UPF3B: variants seen among roughly 807,000 people sequenced by gnomAD.
The protein encoded by UPF3B is regulator of nonsense transcripts 3B.
A neutral mutation model predicts 40.3 loss-of-function variants in UPF3B; 7 were observed. The ratio of observed to expected loss-of-function variants is 0.17; its 90% CI spans 0.10 to 0.33. The LOEUF is 0.33. Among genes scored for constraint, UPF3B ranks in the 10% least tolerant of loss-of-function variants. UPF3B has a pLI of 1.00. For missense variants in UPF3B, 229 were observed against 358.9 expected, an observed-to-expected ratio of 0.64 and a Z score of 2.93; for synonymous variants, 117 against 117.3, an observed-to-expected ratio of 1.00 and a Z score of 0.01.
chrX:119,834,157 A>C lies in UPF3B; in HGVS notation c.*721T>G. ...GTATGCACTCAGATCATGAGACCTA[A>C]GATCAAACACACTGGATTGTCAAGA... On this transcript the variant is annotated 3_prime_UTR_variant, in exon 11 of 11. Coordinates refer to ENST00000276201, the MANE Select transcript of UPF3B (RefSeq NM_080632.3). 1 of 755,300 alleles carries C rather than the reference A, an allele frequency of 1.3e-6. No individual in the cohort carries two copies. The highest frequency in any genetic ancestry group is 1.6e-6 in the Non-Finnish European group (1 of 639,759). 62.2% of individuals were successfully genotyped at this position (755,300 alleles called of 1,213,427 possible). A position where few individuals can be genotyped will look rare whatever the true frequency, so the allele number is the denominator to read the frequency against.
At chrX:119,821,064 G>C (rs1365601918) in intron 4 of UPF3B, among the ~76,000 whole-genome samples, 1 of 111,363 alleles carries the variant, frequency 9.0e-6, no homozygotes, top group Non-Finnish European at 1.9e-5. Context: ...GGGTATTGGG[G>C]TTATGGGGCG....
exon 5 of UPF3B, chrX:119,815,252 G>A: frequency 3.8e-6 from 3 of 797,822 alleles, no homozygotes; most frequent in Non-Finnish European, 4.5e-6. Context: ...ATCAGGGTGC[G>A]AGAGTCGACC....
At chrX:119,826,180 C>T (rs1021593894) in intron 3 of UPF3B, among the ~76,000 whole-genome samples, 3 of 104,656 alleles carry the variant, frequency 2.9e-5, no homozygotes, top group Admixed American at 1.0e-4. Context: ...AAAGGACCAA[C>T]GATTAACAGC....
At chrX:119,824,472 G>T (rs1482258593) in intron 3 of UPF3B, among the ~76,000 whole-genome samples, 1 of 106,623 alleles carries the variant, frequency 9.4e-6, no homozygotes, top group Non-Finnish European at 1.9e-5. Context: ...GAAGAGGGAG[G>T]TGCTGACGTG....
At chrX:119,817,691 G>A (rs1363241973) in intron 4 of UPF3B, among the ~76,000 whole-genome samples, 2 of 111,897 alleles carry the variant, frequency 1.8e-5, no homozygotes, top group African/African-American at 3.2e-5. Context: ...AAAATATCTC[G>A]ACAGGATCTA....
intron 10 of UPF3B, 140 bp downstream of exon 10, chrX:119,837,617 A>C (rs1353389320): frequency 4.9e-6 from 1 of 203,441 alleles, no homozygotes; most frequent in Non-Finnish European, 7.4e-6. Flanking sequence ...CTCTGTCTCA[A>C]AAAAAAAAAA....
intron 7 of UPF3B, 123 bp downstream of exon 7, chrX:119,840,953 C>A: frequency 1.3e-6 from 1 of 776,789 alleles, no homozygotes; most frequent in Admixed American, 3.0e-5. Context: ...GATCACTTCC[C>A]CCCAAAAGAG....
At chrX:119,827,299 C>T (rs1451320935) in intron 3 of UPF3B, among the ~76,000 whole-genome samples, 2 of 111,174 alleles carry the variant, frequency 1.8e-5, no homozygotes, top group African/African-American at 6.5e-5. Context: ...GATGAAATGG[C>T]TAGTATCTAG....
In UPF3B at chrX:119,851,764, T is replaced by TTTTTTTTTAA; in HGVS notation, c.263+2_263+3insTTAAAAAAAA. On this transcript the variant is annotated splice_region_variant and intron_variant, in intron 2 of 10. Transcript: ENST00000276201. ...ACCCCTTTCCTTTTTTTTTTTTTTT[T>TTTTTTTTTAA]ACCTCGTATCATTAGAAAAAAACTC... 1 of 968,489 alleles carries TTTTTTTTTAA rather than the reference T, an allele frequency of 1.0e-6. No individual in the cohort carries two copies. Among genetic ancestry groups the TTTTTTTTTAA allele is most frequent in the Non-Finnish European group, 1.4e-6 (1 of 710,208 alleles). 79.8% of individuals were successfully genotyped at this position (968,489 alleles called of 1,213,427 possible).
rs374559561 is a variant in UPF3B, at chrX:119,807,548, C to T, written c.637G>A (p.Ala213Thr). Residue 213 changes from alanine to threonine, a missense_variant, in exon 6 of 7, where the codon GCT (alanine) becomes ACT (threonine). Transcript: ENST00000636792. ...CACCAGAATCGACCTGGGCTTCGAG[C>T]TCCTGGATGGTAAAGCTTCATCCCT... 44 of 842,229 alleles carry T rather than the reference C, an allele frequency of 5.2e-5. No individual in the cohort carries two copies. In the East Asian group the frequency reaches 3.1e-3, roughly 60 times the overall value. 69.4% of individuals were successfully genotyped at this position (842,229 alleles called of 1,213,427 possible).
At position 119,847,387 on chromosome X, in the gene UPF3B, CA is replaced by C. The variant is rs1247725739; in HGVS notation, c.371-2092del. Among the ~76,000 whole-genome samples the C allele has an allele frequency of 2.7e-5, 3 of 110,185 alleles. No homozygotes were observed. In the South Asian group the frequency reaches 1.2e-3, roughly 42 times the overall value. ...GCTTGAACCCAGGAGGTGGAGGTTGCAATGAGGGAAGATCGCGCCATTGTAC... is the reference window on the plus strand; with the variant it reads ...GCTTGAACCCAGGAGGTGGAGGTTGCATGAGGGAAGATCGCGCCATTGTAC... On this transcript the variant is annotated intron_variant, in intron 3 of 10. Coordinates refer to ENST00000276201, the MANE Select transcript of UPF3B (RefSeq NM_080632.3).
intron 8 of UPF3B, among the ~76,000 whole-genome samples, 177 bp from the exon 9 acceptor site, chrX:119,838,704 CTATTAATGT>C (rs908796758): frequency 1.8e-5 from 2 of 111,678 alleles, no homozygotes; most frequent in African/African-American, 6.5e-5. Context: ...TAAAAGGATG[CTATTAATGT>C]TAAAGTGTTA....
intron 3 of UPF3B, among the ~76,000 whole-genome samples, chrX:119,848,264 A>G (rs1337925053): frequency 2.1e-5 from 2 of 96,899 alleles, no homozygotes; most frequent in Non-Finnish European, 4.1e-5. Context: ...CCTGGGCAAC[A>G]AAGTGAGACT....
intron 5 of UPF3B, 56 bp from the exon 6 acceptor site, chrX:119,841,834 C>T: frequency 8.8e-6 from 9 of 1,021,503 alleles, no homozygotes; most frequent in Admixed American, 2.2e-5. Context: ...GAAACGATTC[C>T]ATTTTCTGAC....
intron 5 of UPF3B, chrX:119,807,689 T>A: frequency 2.6e-6 from 1 of 380,894 alleles, no homozygotes; most frequent in Non-Finnish European, 3.4e-6. Flanking sequence ...CTCAGTAATT[T>A]AAGACCAAAA....
downstream of UPF3B, among the ~76,000 whole-genome samples, chrX:119,832,058 C>CCT (rs2056042457): frequency 8.9e-6 from 1 of 111,887 alleles, no homozygotes; most frequent in South Asian, 3.7e-4. Flanking sequence ...ATTCCAGATA[C>CCT]AGGCGATCCT....
exon 5 of UPF3B, chrX:119,815,240 T>C: frequency 2.5e-6 from 2 of 800,470 alleles, no homozygotes; most frequent in Non-Finnish European, 3.0e-6. Flanking sequence ...CTTGGTTATG[T>C]CATCAGGGTG....
downstream of UPF3B, among the ~76,000 whole-genome samples, chrX:119,832,023 A>G (rs1044527659): frequency 1.8e-5 from 2 of 111,697 alleles, no homozygotes; most frequent in Non-Finnish European, 1.9e-5. Context: ...CAAGTAGCAC[A>G]ATTGCGGCTC....
At chrX:119,829,387 G>C (rs763576301), downstream of UPF3B, among the ~76,000 whole-genome samples, 1 of 111,740 alleles carries the variant, frequency 8.9e-6, no homozygotes, top group Non-Finnish European at 1.9e-5. Flanking sequence ...TAGAACTAAG[G>C]GTCCACAGAC....
Sources: allele counts gnomAD v4.1 joint callset (sites outside exome capture counted in the v4.1 genomes callset), GRCh38; gene constraint gnomAD v4.1.1; transcripts MANE v1.5; gene names NCBI Gene and HGNC (gene_info 2026-07-23, HGNC 2026-07-21).